Variants in ME3 observed in about 807,000 individuals in gnomAD.
The protein encoded by ME3 is NADP-dependent malic enzyme, mitochondrial.
In ME3, 48 loss-of-function variants were observed where a neutral mutation model predicts 68.9. The observed-to-expected ratio is 0.70, with a 90% CI of 0.55 to 0.89. ME3 has a LOEUF of 0.89. Ranked by LOEUF, ME3 falls within the 40% of genes least tolerant of loss-of-function variation. The pLI is 0.00. For missense variants in ME3, 675 were observed against 797.4 expected (o/e 0.85, Z 1.85); for synonymous variants, 320 against 318.8 (o/e 1.00, Z -0.04).
intron 2 of ME3, among the ~76,000 whole-genome samples, chr11:86,594,584 C>T (rs1423735213): frequency 1.4e-5 from 2 of 145,736 alleles, no homozygotes; most frequent in East Asian, 4.8e-4. Context: ...AGCCCAGCTA[C>T]TTGGGAGGCT....
intron 2 of ME3, among the ~76,000 whole-genome samples, chr11:86,604,379 TG>T (rs1010526131): frequency 5.3e-5 from 8 of 152,104 alleles, no homozygotes; most frequent in African/African-American, 1.7e-4. Context: ...TTCAGATGGT[TG>T]TGGGGTGAGG....
At chr11:86,599,826 C>G (rs1326564490) in intron 2 of ME3, among the ~76,000 whole-genome samples, 1 of 152,064 alleles carries the variant, frequency 6.6e-6, no homozygotes, top group South Asian at 2.1e-4. Flanking sequence ...AATTTTCAAC[C>G]CAGAATTTCA....
chr11:86,600,324 C>T (rs889033775), intron 2 of ME3, among the ~76,000 whole-genome samples: 56 of 152,188 alleles, frequency 3.7e-4, no homozygotes, highest in African/African-American at 1.3e-3. Flanking sequence ...AAAACAGACT[C>T]TAAACCAACA....
intron 4 of ME3, among the ~76,000 whole-genome samples, chr11:86,541,623 C>T (rs1956054094): frequency 6.6e-6 from 1 of 152,202 alleles, no homozygotes; most frequent in Non-Finnish European, 1.5e-5. Context: ...CAGGGCATCT[C>T]TGAAAGAAAG....
chr11:86,651,623 G>C (rs2135435000), intron 2 of ME3, among the ~76,000 whole-genome samples: 1 of 152,304 alleles, frequency 6.6e-6, no homozygotes, highest in Non-Finnish European at 1.5e-5. Context: ...CGAAAAAGTA[G>C]ATAAAACCAC....
intron 2 of ME3, among the ~76,000 whole-genome samples, chr11:86,599,297 G>A (rs1304937084): frequency 1.3e-5 from 2 of 152,220 alleles, no homozygotes; most frequent in Non-Finnish European, 2.9e-5. Context: ...AGAACTACGT[G>A]AAGAAGGCAG....
At chr11:86,666,352 A>T (rs115837095) in intron 2 of ME3, among the ~76,000 whole-genome samples, 1,886 of 152,284 alleles carry the variant, frequency 0.012, 46 homozygotes, top group African/African-American at 0.043. Context: ...TGCATACTGG[A>T]TGGCAGAGAA....
At chr11:86,461,704 T>G (rs1950231707) in intron 8 of ME3, among the ~76,000 whole-genome samples, 1 of 152,172 alleles carries the variant, frequency 6.6e-6, no homozygotes, top group Non-Finnish European at 1.5e-5. Flanking sequence ...CTGACAGCCT[T>G]GCTGTCAGCT....
intron 4 of ME3, among the ~76,000 whole-genome samples, chr11:86,530,191 A>G (rs1437310996): frequency 5.9e-5 from 9 of 152,198 alleles, no homozygotes; most frequent in Non-Finnish European, 1.2e-4. Flanking sequence ...AATCACAAGC[A>G]TTCTTATACA....
intron 4 of ME3, among the ~76,000 whole-genome samples, chr11:86,550,884 G>A (rs948011330): frequency 6.6e-6 from 1 of 152,072 alleles, no homozygotes; most frequent in African/African-American, 2.4e-5. Context: ...GCATTCATTG[G>A]TCTTGTGTAC....
At chr11:86,526,900 C>G (rs1954798076) in intron 4 of ME3, among the ~76,000 whole-genome samples, 1 of 152,170 alleles carries the variant, frequency 6.6e-6, no homozygotes, top group Non-Finnish European at 1.5e-5. Context: ...GTAGATAAAA[C>G]CACAAAGATG....
intron 7 of ME3, among the ~76,000 whole-genome samples, chr11:86,483,025 A>G (rs1057301793): frequency 1.3e-5 from 2 of 152,260 alleles, no homozygotes; most frequent in African/African-American, 4.8e-5. Flanking sequence ...ATCAAGAGGC[A>G]AGTGAACAGT....
intron 2 of ME3, among the ~76,000 whole-genome samples, chr11:86,651,650 C>A (rs1158015801): frequency 6.6e-6 from 1 of 152,190 alleles, no homozygotes; most frequent in Admixed American, 6.5e-5. Flanking sequence ...GGGGAAAAAA[C>A]AGAGCAGAAA....
intron 8 of ME3, among the ~76,000 whole-genome samples, chr11:86,452,437 A>G (rs542502078): frequency 2.0e-5 from 3 of 152,172 alleles, no homozygotes; most frequent in African/African-American, 4.8e-5. Context: ...TCTATGCTCA[A>G]TAGTAAATAT....
chr11:86,625,503 CAA>C (rs1398991051), intron 2 of ME3, among the ~76,000 whole-genome samples: 2 of 152,244 alleles, frequency 1.3e-5, no homozygotes, highest in East Asian at 3.9e-4. Flanking sequence ...GCTCTGGAGT[CAA>C]AGAGACCTGG....
At chr11:86,443,474 C>T (rs1477563380) in intron 13 of ME3, among the ~76,000 whole-genome samples, 1 of 152,244 alleles carries the variant, frequency 6.6e-6, no homozygotes, top group East Asian at 1.9e-4. Flanking sequence ...CAGAGCCTCC[C>T]GTAGCTTCCC....
At chr11:86,581,298 G>A (rs1281550629) in intron 2 of ME3, among the ~76,000 whole-genome samples, 2 of 152,104 alleles carry the variant, frequency 1.3e-5, no homozygotes, top group African/African-American at 2.4e-5. Context: ...TACTTTTAAC[G>A]ATAGGTTGTG....
the ME3 span, chr11:86,435,805 G>C: frequency 6.6e-6 from 1 of 152,292 alleles, no homozygotes; most frequent in African/African-American, 2.4e-5. Flanking sequence ...CTGAGGATGG[G>C]ATGGCTATTT....
At position 86,441,341 on chromosome 11, in the gene ME3, CAT is replaced by C; in HGVS notation, c.1751_1752del (p.Tyr584Ter). ...GTGTAGCTGTCCAGTGTAAAGGAGTCATAGTCTGGAGTGTAGACCAGGGATCT... is the reference window on the plus strand; with the variant it reads ...GTGTAGCTGTCCAGTGTAAAGGAGTCAGTCTGGAGTGTAGACCAGGGATCT... On this transcript the variant is annotated frameshift_variant, in exon 15 of 15. Transcript: ENST00000543262. LOFTEE classifies it high-confidence loss of function. 1 of 1,613,462 alleles carries C rather than the reference CAT, an allele frequency of 6.2e-7. No homozygotes were observed. The highest frequency in any genetic ancestry group is 8.5e-7 in the Non-Finnish European group (1 of 1,179,608).
Sources: allele counts gnomAD v4.1 joint callset (sites outside exome capture counted in the v4.1 genomes callset), GRCh38; gene constraint gnomAD v4.1.1; transcripts MANE v1.5; gene names NCBI Gene and HGNC (gene_info 2026-07-23, HGNC 2026-07-21).